The following ADGRV1 variants were observed in gnomAD, a reference collection of about 807,000 sequenced individuals.
ADGRV1 encodes G-protein coupled receptor 98.
Under a neutral mutation model 596.2 loss-of-function variants are expected in ADGRV1, and 359 were observed. That is an observed-to-expected ratio of 0.60 (90% CI 0.55 to 0.66). The LOEUF is 0.66. ADGRV1 is among the 30% of genes least tolerant of loss of function. The pLI, the probability that ADGRV1 is intolerant of heterozygous loss-of-function variation, is 0.00. For synonymous variants in ADGRV1, 2,681 were observed against 2,679.2 expected (o/e 1.00, Z -0.02); for missense variants, 7,274 against 7,575.6 (o/e 0.96, Z 1.48).
At chr5:90,606,730 C>T (rs954750203) in intron 1 of ADGRV1, among the ~76,000 whole-genome samples, 1 of 152,046 alleles carries the variant, frequency 6.6e-6, no homozygotes, top group Non-Finnish European at 1.5e-5. Flanking sequence ...TGTTGTGAAA[C>T]GTACATCAAT....
At chr5:90,824,436 C>T (rs966099998) in intron 76 of ADGRV1, among the ~76,000 whole-genome samples, 1 of 152,206 alleles carries the variant, frequency 6.6e-6, no homozygotes, top group African/African-American at 2.4e-5. Context: ...TTGATGCAGG[C>T]AAATGTGTTG....
chr5:90,706,300 T>C lies in ADGRV1; in HGVS notation c.8636T>C (p.Leu2879Pro). Residue 2879 changes from leucine to proline, a missense_variant, in exon 38 of 90, where the codon CTA becomes CCA. Leu to Pro is a moderately conservative substitution (Grantham distance 98, BLOSUM62 -3). Coordinates refer to ENST00000405460, the MANE Select transcript of ADGRV1 (RefSeq NM_032119.4). ...CTGAAGAACCAAACAGTAGGAAACC[T>C]AGCAGAGCCAGAAGTTGATTTTGTC... is the stretch of plus-strand genomic sequence containing the variant. ...LSLKNQTVGN[L>P]AEPEVDFVPI... 6.2e-7 allele frequency: 1 copy of C among 1,613,596 alleles called. No individual in the cohort carries two copies. Among genetic ancestry groups the C allele is most frequent in the Non-Finnish European group, 8.5e-7 (1 of 1,179,714 alleles).
chr5:91,153,435 A>G, intron 89 of ADGRV1, 37 bp downstream of exon 89: 2 of 1,418,582 alleles, frequency 1.4e-6, no homozygotes, highest in South Asian at 2.9e-5. Flanking sequence ...AGAAGTAGGC[A>G]CTCTTGCTAT....
intron 1 of ADGRV1, among the ~76,000 whole-genome samples, chr5:90,596,364 C>T (rs1286074913): frequency 5.3e-5 from 8 of 151,322 alleles, no homozygotes; most frequent in East Asian, 2.0e-4. Context: ...CAGGCAGAGA[C>T]GCTCCTCACT....
intron 32 of ADGRV1, among the ~76,000 whole-genome samples, chr5:90,693,205 T>C (rs1320573762): frequency 1.0e-5 from 1 of 100,490 alleles, no homozygotes; most frequent in Admixed American, 1.1e-4. Context: ...GAAAACAGGA[T>C]CTTGGGAACT....
chr5:90,770,235 GGTCC>G (rs1757547859), intron 59 of ADGRV1, among the ~76,000 whole-genome samples: 2 of 152,018 alleles, frequency 1.3e-5, no homozygotes, highest in African/African-American at 4.8e-5. Flanking sequence ...GTAGGGGAAT[GGTCC>G]TTTATAAAAC....
At chr5:90,858,638 A>G (rs933240243) in intron 82 of ADGRV1, among the ~76,000 whole-genome samples, 4 of 152,246 alleles carry the variant, frequency 2.6e-5, no homozygotes, top group East Asian at 1.9e-4. Flanking sequence ...GTGAACCACC[A>G]TGCCTGGCCA....
At chr5:90,661,757 G>A (rs528998823) in intron 21 of ADGRV1, among the ~76,000 whole-genome samples, 21 of 152,222 alleles carry the variant, frequency 1.4e-4, no homozygotes, top group African/African-American at 5.1e-4. Flanking sequence ...GATTATTATG[G>A]ATGTTAGGCC....
chr5:91,070,584 C>T lies in ADGRV1; in HGVS notation c.18153-1863C>T, dbSNP rs142440683. On this transcript the variant is annotated intron_variant, in intron 85 of 89. Coordinates refer to ENST00000405460, the MANE Select transcript of ADGRV1 (RefSeq NM_032119.4). ...AGAAGCAGTTTTAGATATTGAGAACCTGTTTAACGTTCCTCCATTTGAGAT... is the reference window on the plus strand; with the variant it reads ...AGAAGCAGTTTTAGATATTGAGAACTTGTTTAACGTTCCTCCATTTGAGAT... 3.5e-3 allele frequency among the ~76,000 whole-genome samples: 528 copies of T among 152,286 alleles called. 1 individual carries two copies. Among genetic ancestry groups the T allele is most frequent in the African/African-American group, 0.012 (509 of 41,552 alleles).
intron 25 of ADGRV1, among the ~76,000 whole-genome samples, chr5:90,678,821 C>G (rs7716829): frequency 1.3e-5 from 2 of 151,374 alleles, no homozygotes; most frequent in East Asian, 3.9e-4. Flanking sequence ...ATTCTCAACA[C>G]GGTTGCATTT....
chr5:90,839,476 AGTGCTGGGTTTACAGGT>A (rs1765250505), intron 77 of ADGRV1, among the ~76,000 whole-genome samples: 1 of 152,102 alleles, frequency 6.6e-6, no homozygotes, highest in Admixed American at 6.6e-5. Context: ...AGCCTCCCAA[AGTGCTGGGTTTACAGGT>A]GTGAGTCACC....
chr5:90,626,827 C>T (rs1206971701), intron 6 of ADGRV1, among the ~76,000 whole-genome samples: 1 of 152,158 alleles, frequency 6.6e-6, no homozygotes, highest in East Asian at 1.9e-4. Flanking sequence ...AACGTACTTT[C>T]CAGATTCTTA....
intron 17 of ADGRV1, among the ~76,000 whole-genome samples, chr5:90,649,601 GCCTCAGCCTCCTGAGTAGTTGGGA>G (rs1392312059): frequency 6.6e-6 from 1 of 152,068 alleles, no homozygotes; most frequent in African/African-American, 2.4e-5. Context: ...CAATTCTCCT[GCCTCAGCCTCCTGAGTAGTTGGGA>G]CTACAGGCTG....
intron 85 of ADGRV1, among the ~76,000 whole-genome samples, chr5:91,013,735 G>A (rs913865105): frequency 1.3e-5 from 2 of 151,892 alleles, no homozygotes; most frequent in African/African-American, 4.8e-5. Context: ...GTCAATTTTT[G>A]CTTTTGTTGA....
chr5:90,906,029 T>C (rs1246093822), intron 83 of ADGRV1, among the ~76,000 whole-genome samples: 2 of 152,134 alleles, frequency 1.3e-5, no homozygotes, highest in Non-Finnish European at 2.9e-5. Flanking sequence ...ATATATCACA[T>C]TGATTGATTT....
At chr5:90,935,858 G>A (rs1333879212) in intron 83 of ADGRV1, among the ~76,000 whole-genome samples, 1 of 152,114 alleles carries the variant, frequency 6.6e-6, no homozygotes, top group Non-Finnish European at 1.5e-5. Context: ...CACACCTGTT[G>A]TCCCAGCTAC....
intron 38 of ADGRV1, among the ~76,000 whole-genome samples, chr5:90,707,833 C>T (rs997116326): frequency 2.0e-5 from 3 of 151,822 alleles, no homozygotes; most frequent in Non-Finnish European, 4.4e-5. Flanking sequence ...CTGATTAGCA[C>T]TAAGATTAAG....
intron 83 of ADGRV1, among the ~76,000 whole-genome samples, chr5:90,885,753 G>C (rs539165456): frequency 6.6e-6 from 1 of 152,262 alleles, no homozygotes; most frequent in East Asian, 1.9e-4. Context: ...TAGAGGAAGA[G>C]ATAGAAATGA....
intron 85 of ADGRV1, among the ~76,000 whole-genome samples, chr5:91,014,715 T>C (rs954110607): frequency 6.6e-6 from 1 of 152,032 alleles, no homozygotes; most frequent in African/African-American, 2.4e-5. Context: ...TGGTAATTTT[T>C]ATTTCTGTGA....
Sources: allele counts gnomAD v4.1 joint callset (sites outside exome capture counted in the v4.1 genomes callset), GRCh38; gene constraint gnomAD v4.1.1; transcripts MANE v1.5; gene names NCBI Gene and HGNC (gene_info 2026-07-23, HGNC 2026-07-21).